Variants in EXOC2 observed in about 807,000 individuals in gnomAD.
EXOC2 encodes the protein SEC5-like 1.
A neutral mutation model predicts 131.8 loss-of-function variants in EXOC2; 70 were observed. That is an observed-to-expected ratio of 0.53 (90% CI 0.44 to 0.65). EXOC2 has a LOEUF of 0.65. EXOC2 is among the 30% of genes least tolerant of loss of function. EXOC2 has a pLI of 0.00. For missense variants in EXOC2, 923 were observed against 1,108.6 expected, an observed-to-expected ratio of 0.83 and a Z score of 2.38; for synonymous variants, 411 against 398.4, an observed-to-expected ratio of 1.03 and a Z score of -0.38.
At chr6:624,122 T>A (rs1356625717) in intron 4 of EXOC2, among the ~76,000 whole-genome samples, 4 of 151,982 alleles carry the variant, frequency 2.6e-5, no homozygotes, top group Non-Finnish European at 5.9e-5. Context: ...TGATCTTTTA[T>A]GCAAACACCT....
intron 11 of EXOC2, among the ~76,000 whole-genome samples, chr6:581,796 AC>A (rs1379883913): frequency 6.6e-6 from 1 of 152,222 alleles, no homozygotes; most frequent in Non-Finnish European, 1.5e-5. Context: ...GTTTTTAACT[AC>A]TGGAAGTCAA....
chr6:669,024 C>T (rs1044636316), intron 1 of EXOC2: 5 of 152,176 alleles, frequency 3.3e-5, no homozygotes, highest in East Asian at 1.9e-4. Flanking sequence ...GCGGAATAAA[C>T]GCTTATGAAT....
chr6:636,187 T>C (rs1414356033), intron 2 of EXOC2, among the ~76,000 whole-genome samples: 3 of 152,236 alleles, frequency 2.0e-5, no homozygotes, highest in Non-Finnish European at 4.4e-5. Flanking sequence ...GAGCGCACAA[T>C]GACTGCCAGC....
chr6:688,548 A>G (rs1451153748), intron 1 of EXOC2, among the ~76,000 whole-genome samples: 2 of 152,226 alleles, frequency 1.3e-5, no homozygotes, highest in Non-Finnish European at 2.9e-5. Context: ...GACTATAAGC[A>G]AACAGTGGGA....
chr6:486,775 G>A lies in EXOC2; in HGVS notation c.2682-11C>T, dbSNP rs374137443. ...AGCTCTTCCAGTAACCTGCAGGACG[G>A]AGACACTTGTTTTACAGCCCGACAG... On this transcript the variant is annotated splice_polypyrimidine_tract_variant and intron_variant, in intron 27 of 27. Transcript: ENST00000230449. 3.6e-5 allele frequency: 58 copies of A among 1,610,898 alleles called. No homozygotes were observed. Among genetic ancestry groups the A allele is most frequent in the Non-Finnish European group, 4.8e-5 (56 of 1,177,682 alleles).
intron 1 of EXOC2, among the ~76,000 whole-genome samples, chr6:674,211 T>C (rs1318329328): frequency 6.6e-6 from 1 of 151,800 alleles, no homozygotes; most frequent in Non-Finnish European, 1.5e-5. Flanking sequence ...CCAAAATGAG[T>C]TTTTTATTGC....
chr6:626,857 T>G (rs1459867833), intron 4 of EXOC2, among the ~76,000 whole-genome samples: 1 of 152,052 alleles, frequency 6.6e-6, no homozygotes, highest in Non-Finnish European at 1.5e-5. Context: ...CCTCTCAAAG[T>G]GCTGGGATTA....
At chr6:489,953 G>A (rs1763326665) in intron 26 of EXOC2, among the ~76,000 whole-genome samples, 2 of 152,232 alleles carry the variant, frequency 1.3e-5, no homozygotes, top group Admixed American at 1.3e-4. Context: ...GGAGGGCGCG[G>A]TGGGGTGTGG....
At chr6:676,243 C>T (rs1452368740) in intron 1 of EXOC2, among the ~76,000 whole-genome samples, 5 of 108,350 alleles carry the variant, frequency 4.6e-5, no homozygotes, top group East Asian at 6.6e-4. Flanking sequence ...CTGGAGACTG[C>T]GGTTCCCCAT....
At chr6:495,410 C>T (rs964027015) in intron 25 of EXOC2, among the ~76,000 whole-genome samples, 6 of 151,976 alleles carry the variant, frequency 3.9e-5, no homozygotes, top group Admixed American at 3.9e-4. Context: ...AGGTGTGAGC[C>T]ACCGCGCCCG....
intron 22 of EXOC2, among the ~76,000 whole-genome samples, chr6:544,869 C>A (rs1032524313): frequency 2.0e-5 from 3 of 152,128 alleles, no homozygotes; most frequent in Non-Finnish European, 4.4e-5. Context: ...AACTTCAGGC[C>A]GGGCGCGGTG....
chr6:665,886 A>C (rs1763623070), intron 1 of EXOC2, among the ~76,000 whole-genome samples: 1 of 152,226 alleles, frequency 6.6e-6, no homozygotes, highest in Non-Finnish European at 1.5e-5. Context: ...CTAAGAACTT[A>C]GTCATGTAAC....
intron 1 of EXOC2, among the ~76,000 whole-genome samples, chr6:658,850 C>T (rs991875883): frequency 7.9e-5 from 12 of 151,504 alleles, no homozygotes; most frequent in South Asian, 4.2e-4. Flanking sequence ...TTAGTAAAGA[C>T]GAGGTTTCAC....
intron 1 of EXOC2, chr6:679,601 C>T (rs910686664): frequency 6.6e-6 from 1 of 152,048 alleles, no homozygotes; most frequent in South Asian, 2.1e-4. Context: ...TGAACAATGA[C>T]TAAAATAATT....
In EXOC2 at chr6:554,022, A is replaced by C. The variant is rs1302902612; in HGVS notation, c.2055-102T>G. 5 of 927,068 alleles carry C rather than the reference A, an allele frequency of 5.4e-6. No homozygotes were observed. In the African/African-American group the frequency reaches 8.7e-5, roughly 16 times the overall value. The allele number at this position is 927,068 out of a possible 1,614,324, so 57.4% of individuals were successfully genotyped here. The stretch of plus-strand genomic sequence containing the variant: ...TAAACGTGCAATGAATTATATGGAA[A>C]ACATTTGGTGAAAGTCACATAACTT... On this transcript the variant is annotated intron_variant, in intron 20 of 27. Coordinates refer to ENST00000230449, the MANE Select transcript of EXOC2 (RefSeq NM_018303.6).
Position 489,029 on chromosome 6 carries a change from A to T in EXOC2, c.2631T>A (p.Phe877Leu), listed in dbSNP as rs1763264057. 1 of 1,614,010 alleles carries T rather than the reference A, an allele frequency of 6.2e-7. No homozygotes were observed. The highest frequency in any genetic ancestry group is 8.5e-7 in the Non-Finnish European group (1 of 1,179,908). ...GGGGCAGGGCTTCCAAAGCCTGCTT[A>T]AAACTTGACCTGAAACACAAACAGC... Reference protein sequence around the residue: ...VYLTPESKSSFKQALEALPQL... With the variant: ...VYLTPESKSSLKQALEALPQL... Residue 877 changes from phenylalanine (F) to leucine (L), a missense_variant, in exon 27 of 28, where the codon TTT becomes TTA. Phe to Leu is a conservative substitution (Grantham distance 22). Coordinates refer to ENST00000230449, the MANE Select transcript of EXOC2 (RefSeq NM_018303.6).
chr6:590,047 G>A (rs1352443850), intron 11 of EXOC2, among the ~76,000 whole-genome samples: 8 of 151,958 alleles, frequency 5.3e-5, no homozygotes, highest in African/African-American at 1.9e-4. Context: ...CCTGGGAGGC[G>A]GAGCTTGCAG....
In EXOC2 at chr6:549,173, AC is replaced by A; in HGVS notation, c.2238+1del. The A allele has an allele frequency of 6.2e-7, 1 of 1,611,268 alleles. No homozygotes were observed. Among genetic ancestry groups the A allele is most frequent in the East Asian group, 2.2e-5 (1 of 44,862 alleles). ...TTGTGCGTTTTACATGAACTCGCTT[AC>A]CTGTGTGATTTTTTCTATTCCCTGG... On this transcript the variant is annotated splice_donor_variant, in intron 22 of 27. Transcript: ENST00000230449. LOFTEE classifies it high-confidence loss of function.
At chr6:677,940 A>ACACG (rs1427714378) in intron 1 of EXOC2, among the ~76,000 whole-genome samples, 12 of 151,292 alleles carry the variant, frequency 7.9e-5, no homozygotes, top group Non-Finnish European at 1.5e-4. Context: ...TCTCTCACAC[A>ACACG]CACACACACA....
Sources: allele counts gnomAD v4.1 joint callset (sites outside exome capture counted in the v4.1 genomes callset), GRCh38; gene constraint gnomAD v4.1.1; transcripts MANE v1.5; gene names NCBI Gene and HGNC (gene_info 2026-07-23, HGNC 2026-07-21).